The following CLASP1 variants were observed in gnomAD, a reference collection of about 807,000 sequenced individuals.
CLASP1 encodes the protein CLIP-associating protein 1.
CLASP1 carries 38 observed loss-of-function variants against 192.3 expected under a neutral mutation model. The observed-to-expected ratio is 0.20, with a 90% confidence interval of 0.15 to 0.26. CLASP1 has a LOEUF of 0.26. Among genes scored for constraint, CLASP1 ranks in the 10% least tolerant of loss-of-function variants. CLASP1 has a pLI of 1.00. For synonymous variants in CLASP1, 691 were observed against 712.8 expected, an observed-to-expected ratio of 0.97 and a Z score of 0.49; for missense variants, 1,433 against 1,932.5, an observed-to-expected ratio of 0.74 and a Z score of 4.85.
chr2:121,448,106 C>T (rs981211303), intron 18 of CLASP1, among the ~76,000 whole-genome samples, 170 bp downstream of exon 18: 6 of 152,252 alleles, frequency 3.9e-5, no homozygotes, highest in Admixed American at 2.0e-4. Context: ...GTGGCCCTGA[C>T]AAAGCGGAGC....
chr2:121,585,171 A>C (rs937357311), intron 2 of CLASP1, among the ~76,000 whole-genome samples: 1 of 152,184 alleles, frequency 6.6e-6, no homozygotes, highest in Non-Finnish European at 1.5e-5. Context: ...ATTCTAACCC[A>C]AACAGTCTGG....
Position 121,445,495 on chromosome 2 carries a change from C to A in CLASP1, c.1912+1842G>T, listed in dbSNP as rs561655758. On this transcript the variant is annotated intron_variant, in intron 19 of 39. Coordinates refer to ENST00000263710, the Ensembl canonical transcript of CLASP1. ...CCATGTCTTCCCTCATGTGTCTGGA[C>A]TCTAGAAGTTTGGAAAAGGATCATC... 68 of 1,288,970 alleles carry A rather than the reference C, an allele frequency of 5.3e-5. No individual in the cohort carries two copies. In the East Asian group the frequency reaches 3.5e-3, roughly 66 times the overall value. 79.8% of individuals were successfully genotyped at this position (1,288,970 alleles called of 1,614,324 possible).
chr2:121,503,118 C>A (rs539955447), intron 8 of CLASP1, 49 bp downstream of exon 8: 5 of 1,136,356 alleles, frequency 4.4e-6, no homozygotes, highest in South Asian at 1.3e-5. Flanking sequence ...ATAAATGATG[C>A]GAATGTAAAA....
rs190306314 is a variant in CLASP1, at chr2:121,498,375, T to G, written c.712+4792A>C. 6.9e-3 allele frequency among the ~76,000 whole-genome samples: 1,047 copies of G among 151,858 alleles called. 10 individuals are homozygous for G. The highest frequency in any genetic ancestry group is 7.6e-3 in the Non-Finnish European group (514 of 67,922). The stretch of plus-strand genomic sequence containing the variant: ...GGGGTGCCCCACCACACCTGGCTAA[T>G]TTTTGTATTTTTGTAGAGATGGAGT... On this transcript the variant is annotated intron_variant, in intron 8 of 39. Transcript: ENST00000263710.
intron 6 of CLASP1, among the ~76,000 whole-genome samples, chr2:121,521,740 G>C (rs757119576): frequency 2.0e-5 from 3 of 152,188 alleles, no homozygotes; most frequent in Non-Finnish European, 4.4e-5. Flanking sequence ...GCTGCCTGAA[G>C]AGCTGAGAGA....
chr2:121,372,358 TTCTG>T (rs1255547919), intron 34 of CLASP1, among the ~76,000 whole-genome samples: 1 of 152,228 alleles, frequency 6.6e-6, no homozygotes, highest in African/African-American at 2.4e-5. Flanking sequence ...CTCCTTAGGA[TTCTG>T]TCCTTATCCT....
intron 4 of CLASP1, 24 bp downstream of exon 4, chr2:121,528,653 T>C: frequency 6.2e-7 from 1 of 1,608,366 alleles, no homozygotes; most frequent in African/African-American, 1.3e-5. Context: ...CCAGCTGACC[T>C]CAAAACACAT....
chr2:121,478,853 CACCACACCA>C (rs781357361), intron 8 of CLASP1, among the ~76,000 whole-genome samples: 3,546 of 94,570 alleles, frequency 0.037, 99 homozygotes, highest in African/African-American at 0.089. Context: ...ACACACCACA[CACCACACCA>C]CACACACACC....
At chr2:121,569,294 T>C (rs1269240202) in intron 2 of CLASP1, among the ~76,000 whole-genome samples, 1 of 152,136 alleles carries the variant, frequency 6.6e-6, no homozygotes, top group African/African-American at 2.4e-5. Context: ...TGATAGGATA[T>C]AGCTCATAAC....
chr2:121,498,019 C>T (rs1443066804), intron 8 of CLASP1, among the ~76,000 whole-genome samples: 1 of 152,106 alleles, frequency 6.6e-6, no homozygotes. Context: ...ACCGCCACGC[C>T]CAGCTAATTT....
At chr2:121,509,522 GC>G in intron 7 of CLASP1, among the ~76,000 whole-genome samples, 1 of 152,084 alleles carries the variant, frequency 6.6e-6, no homozygotes. Context: ...GAGTCCACAT[GC>G]CAGGCCACAA....
intron 19 of CLASP1, among the ~76,000 whole-genome samples, chr2:121,439,501 T>C (rs1011142521): frequency 3.9e-5 from 6 of 152,116 alleles, no homozygotes; most frequent in Non-Finnish European, 8.8e-5. Flanking sequence ...TTTGAATGCG[T>C]CCCAGAGATT....
intron 30 of CLASP1, among the ~76,000 whole-genome samples, chr2:121,388,231 T>G (rs2073690420): frequency 6.6e-6 from 1 of 152,174 alleles, no homozygotes; most frequent in African/African-American, 2.4e-5. Context: ...ATTAAAAAAT[T>G]TTAAAAAGTT....
At chr2:121,392,823 A>C (rs2074612696) in intron 30 of CLASP1, among the ~76,000 whole-genome samples, 1 of 152,170 alleles carries the variant, frequency 6.6e-6, no homozygotes, top group African/African-American at 2.4e-5. Flanking sequence ...ACACTGAGAA[A>C]ATGGAAAAGT....
chr2:121,538,063 T>C lies in CLASP1; in HGVS notation c.196-7738A>G, dbSNP rs114683730. ...TGGAACACGACAAAAATATCCACTG[T>C]ACAATTTCTGTTCAACATTATATCT... is the stretch of plus-strand genomic sequence containing the variant. On this transcript the variant is annotated intron_variant, in intron 2 of 39. Coordinates refer to ENST00000263710, the Ensembl canonical transcript of CLASP1. Among the ~76,000 whole-genome samples, 749 of 152,260 alleles carry C rather than the reference T, an allele frequency of 4.9e-3. 9 individuals carry two copies. Among genetic ancestry groups the C allele is most frequent in the African/African-American group, 0.018 (727 of 41,536 alleles).
At chr2:121,567,445 T>A (rs1481604225) in intron 2 of CLASP1, among the ~76,000 whole-genome samples, 1 of 152,218 alleles carries the variant, frequency 6.6e-6, no homozygotes, top group Non-Finnish European at 1.5e-5. Flanking sequence ...TACTTCTACA[T>A]GACCAAATCC....
Position 121,550,512 on chromosome 2 carries a change from A to C in CLASP1, c.196-20187T>G, listed in dbSNP as rs115382974. 6.3e-3 allele frequency among the ~76,000 whole-genome samples: 958 copies of C among 152,282 alleles called. 15 individuals carry two copies. The highest frequency in any genetic ancestry group is 0.022 in the African/African-American group (926 of 41,582). The stretch of plus-strand genomic sequence containing the variant: ...AGGCTGCTAGCTAGACTAACAAAGA[A>C]GAAAAAAGGGAAGATCCAAATAAAC... On this transcript the variant is annotated intron_variant, in intron 2 of 39. Transcript: ENST00000263710.
At chr2:121,537,560 T>C (rs1002679412) in intron 2 of CLASP1, among the ~76,000 whole-genome samples, 3 of 152,146 alleles carry the variant, frequency 2.0e-5, no homozygotes, top group African/African-American at 7.2e-5. Context: ...TTAGCTACAT[T>C]GTTTAAAAGA....
intron 30 of CLASP1, 23 bp from the exon 32 acceptor site, chr2:121,387,929 A>G: frequency 2.5e-6 from 4 of 1,578,706 alleles, no homozygotes; most frequent in Non-Finnish European, 3.5e-6. Flanking sequence ...ACCATGATTA[A>G]TTTATGTAAT....
Sources: gnomAD v4.1 joint callset for allele counts (sites outside exome capture counted in the v4.1 genomes callset) on GRCh38, gnomAD v4.1.1 for gene constraint, MANE v1.5 for transcripts, NCBI Gene and HGNC (gene_info 2026-07-23, HGNC 2026-07-21) for gene names.